Variants in ABCC8 observed in about 807,000 individuals in gnomAD.
ABCC8 encodes ATP binding cassette subfamily C member 8, also known as ATP-binding cassette sub-family C member 8.
In ABCC8, 137 loss-of-function variants were observed where a neutral mutation model predicts 188.0. The ratio of observed to expected loss-of-function variants is 0.73; its 90% CI spans 0.63 to 0.84. ABCC8 has a LOEUF of 0.84. ABCC8 is among the 40% of genes least tolerant of loss of function. ABCC8 has a pLI of 0.00. For missense variants in ABCC8, 1,750 were observed against 2,072.7 expected, an observed-to-expected ratio of 0.84 and a Z score of 3.02; for synonymous variants, 797 against 846.5, an observed-to-expected ratio of 0.94 and a Z score of 1.01.
chr11:17,439,008 T>C (rs979676013), intron 10 of ABCC8, among the ~76,000 whole-genome samples: 2 of 152,258 alleles, frequency 1.3e-5, no homozygotes, highest in African/African-American at 4.8e-5. Flanking sequence ...GTTCTGTGCA[T>C]GTTAGCTCTG....
Position 17,453,234 on chromosome 11 carries a change from T to A in ABCC8, c.1061A>T (p.Asn354Ile). The A allele has an allele frequency of 5.0e-6, 8 of 1,614,132 alleles. No homozygotes were observed. Among genetic ancestry groups the A allele is most frequent in the Non-Finnish European group, 6.8e-6 (8 of 1,180,014 alleles). ...YFVSSQEFLANAYVLAVLLFL... is the reference protein window; with the variant it reads ...YFVSSQEFLAIAYVLAVLLFL... ...CAGAAGCACAGCTAAGACGTAGGCA[T>A]TGGCAAGGAACTCTTGGGATGAGAC... Residue 354 changes from asparagine to isoleucine, a missense_variant, in exon 7 of 39, where the codon AAT becomes ATT. By Grantham distance (149) the Asn-to-Ile change is moderately radical. Transcript: ENST00000389817.
At chr11:17,432,359 G>C (rs751996097) in intron 10 of ABCC8, 115 bp from the exon 11 acceptor site, 1 of 1,541,074 alleles carries the variant, frequency 6.5e-7, no homozygotes, top group Non-Finnish European at 8.8e-7. Context: ...GTGGGGCACA[G>C]CTCCAGTAGG....
At chr11:17,447,403 A>T (rs1484102660) in intron 8 of ABCC8, among the ~76,000 whole-genome samples, 1 of 151,882 alleles carries the variant, frequency 6.6e-6, no homozygotes, top group Non-Finnish European at 1.5e-5. Flanking sequence ...GTCTTGCTTT[A>T]AAAAAATACC....
chr11:17,455,540 TA>T (rs1171815841), intron 6 of ABCC8, among the ~76,000 whole-genome samples: 1 of 152,132 alleles, frequency 6.6e-6, no homozygotes, highest in Non-Finnish European at 1.5e-5. Flanking sequence ...CCTGTTAAAA[TA>T]AAAATCTCAC....
At chr11:17,419,657 G>C (rs532102391) in intron 16 of ABCC8, among the ~76,000 whole-genome samples, 6 of 152,288 alleles carry the variant, frequency 3.9e-5, no homozygotes, top group South Asian at 4.1e-4. Context: ...TTTGGAGGAG[G>C]AAGAAATCTG....
rs920690954 is a variant in ABCC8 at position 17,406,931 on chromosome 11, G to T, written c.3119C>A (p.Ala1040Asp). 6.2e-7 allele frequency: 1 copy of T among 1,614,144 alleles called. No individual in the cohort carries two copies. The highest frequency in any genetic ancestry group is 8.5e-7 in the Non-Finnish European group (1 of 1,180,046). The change falls in exon 25 of 39, where the codon GCC becomes GAC. Residue 1040 changes from alanine (A) to aspartate (D), a missense_variant. Ala to Asp is a moderately radical substitution (Grantham distance 126). Transcript: ENST00000389817. ...DYWLAKWTDSALTLTPAARNC... is the reference protein window; with the variant it reads ...DYWLAKWTDSDLTLTPAARNC... ...CCTGGCTGCAGGGGTCAGGGTCAGG[G>T]CGCTGTCGGTCCACTTGGCCAGCCA...
At chr11:17,456,913 G>A (rs79084230) in intron 6 of ABCC8, among the ~76,000 whole-genome samples, 4,763 of 152,300 alleles carry the variant, frequency 0.031, 102 homozygotes, top group South Asian at 0.072. Flanking sequence ...TCAGGCAGTG[G>A]GCTGAGTGCT....
chr11:17,397,913 G>T, intron 30 of ABCC8, 116 bp from the exon 31 acceptor site: 1 of 1,524,208 alleles, frequency 6.6e-7, no homozygotes. Flanking sequence ...CTCCAGCCCT[G>T]CAACTCATGC....
intron 10 of ABCC8, 35 bp downstream of exon 10, chr11:17,442,685 C>A (rs746607248): frequency 2.5e-6 from 4 of 1,605,654 alleles, no homozygotes; most frequent in Non-Finnish European, 3.4e-6. Flanking sequence ...ATGTACGCAG[C>A]AGCACCCAGG....
chr11:17,428,289 C>G lies in ABCC8; in HGVS notation c.2040G>C (p.Gln680His). ...ADGDADNCCVQIMGGYFTWTP... is the reference protein window; with the variant it reads ...ADGDADNCCVHIMGGYFTWTP... ...CCAGGCATGGGGCAGCAGGACTCAC[C>G]TGGACACAGCAGTTGTCAGCATCGC... Residue 680 changes from glutamine (Q) to histidine (H), a missense_variant and splice_region_variant, in exon 14 of 39, where the codon CAG becomes CAC. Gln to His is a conservative substitution (Grantham distance 24). Coordinates refer to ENST00000389817, the MANE Select transcript of ABCC8 (RefSeq NM_000352.6). 6.2e-7 allele frequency: 1 copy of G among 1,614,164 alleles called. No individual in the cohort carries two copies. Among genetic ancestry groups the G allele is most frequent in the Non-Finnish European group, 8.5e-7 (1 of 1,180,054 alleles).
intron 12 of ABCC8, chr11:17,430,442 G>C: frequency 2.8e-6 from 1 of 359,782 alleles, no homozygotes; most frequent in South Asian, 2.3e-5. Context: ...ATATCCATGG[G>C]GCAGCCACGT....
intron 10 of ABCC8, among the ~76,000 whole-genome samples, chr11:17,432,775 G>C (rs1019503796): frequency 6.6e-6 from 1 of 152,128 alleles, no homozygotes; most frequent in Non-Finnish European, 1.5e-5. Flanking sequence ...GTGTGCGGGT[G>C]GGGTAGCTGG....
chr11:17,402,372 C>T (rs1012009652), intron 29 of ABCC8, among the ~76,000 whole-genome samples: 16 of 152,180 alleles, frequency 1.1e-4, no homozygotes, highest in Admixed American at 5.2e-4. Context: ...CCCTTTCTAG[C>T]GTTGATACAT....
chr11:17,396,042 G>A, intron 33 of ABCC8, 112 bp from the exon 34 acceptor site: 1 of 1,529,698 alleles, frequency 6.5e-7, no homozygotes. Context: ...GTATCTTTTT[G>A]GCCTGGTTTT....
At chr11:17,405,826 C>T (rs1196185700) in intron 26 of ABCC8, among the ~76,000 whole-genome samples, 1 of 152,222 alleles carries the variant, frequency 6.6e-6, no homozygotes, top group Non-Finnish European at 1.5e-5. Context: ...CGGCCTGACT[C>T]AGCAGCTGTC....
rs530165018 is a variant in ABCC8, at chr11:17,427,746, G to A, written c.2116+121C>T. The stretch of plus-strand genomic sequence containing the variant: ...GCCTTCCCCTTCTATAATATACCCA[G>A]GGCATACACCAAGAATGAGCAGAGA... On this transcript the variant is annotated intron_variant, in intron 15 of 38. Coordinates refer to ENST00000389817, the MANE Select transcript of ABCC8 (RefSeq NM_000352.6). The surrounding 1 kb of genome is among the most constrained non-coding windows in gnomAD (Gnocchi z 5.0). The A allele has an allele frequency of 4.5e-6, 6 of 1,334,306 alleles. No individual in the cohort carries two copies. In the South Asian group the frequency reaches 8.3e-5, roughly 18 times the overall value. 82.7% of individuals were successfully genotyped at this position (1,334,306 alleles called of 1,614,324 possible). A position where few individuals can be genotyped will look rare whatever the true frequency, so the allele number is the denominator to read the frequency against.
chr11:17,414,393 G>C, intron 19 of ABCC8, 119 bp downstream of exon 19: 2 of 1,413,252 alleles, frequency 1.4e-6, no homozygotes, highest in South Asian at 1.2e-5. Context: ...GTGCAGGTAA[G>C]CACCTGGGGA....
At chr11:17,443,515 G>T in intron 8 of ABCC8, 1 of 699,208 alleles carries the variant, frequency 1.4e-6, no homozygotes, top group Non-Finnish European at 2.4e-6. Flanking sequence ...GGGCTCTCAT[G>T]CAAGCAGAGG....
Position 17,393,699 on chromosome 11 carries a change from C to A in ABCC8, c.4606G>T (p.Ala1536Ser). The change falls in exon 38 of 39, where the codon GCG (alanine) becomes TCG (serine). Residue 1536 changes from alanine (A) to serine (S), a missense_variant and splice_region_variant. Physicochemically the swap from Ala to Ser is moderately conservative, Grantham distance 99. Coordinates refer to ENST00000389817, the MANE Select transcript of ABCC8 (RefSeq NM_000352.6). ...CACCCCATCAATGGGCCCCTTACCG[C>A]GATGGTGACCACAGTGCGGTCTGCG... The part of the protein sequence containing the change: ...AFADRTVVTI[A>S]HRVHTILSAD... The A allele has an allele frequency of 6.2e-7, 1 of 1,614,228 alleles. No homozygotes were observed. Among genetic ancestry groups the A allele is most frequent in the Non-Finnish European group, 8.5e-7 (1 of 1,180,022 alleles).
Sources: allele counts gnomAD v4.1 joint callset (sites outside exome capture counted in the v4.1 genomes callset), GRCh38; gene constraint gnomAD v4.1.1; non-coding constraint Gnocchi (gnomAD v3.1); transcripts MANE v1.5; gene names NCBI Gene and HGNC (gene_info 2026-07-23, HGNC 2026-07-21).